The following HMCN1 variants were observed in gnomAD, a reference collection of about 807,000 sequenced individuals.
HMCN1 encodes the protein hemicentin-1.
HMCN1 carries 321 observed loss-of-function variants against 625.9 expected under a neutral mutation model. That is an observed-to-expected ratio of 0.51 (90% CI 0.47 to 0.56). The LOEUF is 0.56. Ranked by LOEUF, HMCN1 falls within the 20% of genes least tolerant of loss-of-function variation. The pLI, the probability that HMCN1 is intolerant of heterozygous loss-of-function variation, is 0.00. For synonymous variants in HMCN1, 2,425 were observed against 2,417.6 expected, an observed-to-expected ratio of 1.00 and a Z score of -0.09; for missense variants, 6,588 against 6,887.3, an observed-to-expected ratio of 0.96 and a Z score of 1.54.
chr1:185,914,498 A>G (rs911845013), intron 6 of HMCN1, among the ~76,000 whole-genome samples: 4 of 152,052 alleles, frequency 2.6e-5, no homozygotes, highest in East Asian at 1.9e-4. Context: ...GGACCACCCA[A>G]TTGAGCCTCA....
At chr1:185,834,403 C>T (rs547110303) in intron 1 of HMCN1, among the ~76,000 whole-genome samples, 26 of 152,242 alleles carry the variant, frequency 1.7e-4, no homozygotes, top group Admixed American at 1.6e-3. Flanking sequence ...AAGCTACTCA[C>T]ATGGTTGTTG....
At chr1:185,903,444 G>A (rs908330038) in intron 4 of HMCN1, among the ~76,000 whole-genome samples, 2 of 151,474 alleles carry the variant, frequency 1.3e-5, no homozygotes, top group Admixed American at 6.6e-5. Flanking sequence ...TTTAGTTCCA[G>A]CAGAAAGTCT....
intron 11 of HMCN1, among the ~76,000 whole-genome samples, chr1:185,960,524 C>T (rs1649939140): frequency 6.6e-6 from 1 of 152,136 alleles, no homozygotes; most frequent in South Asian, 2.1e-4. Context: ...ATTTCATGAC[C>T]CTGAGTAGCA....
At chr1:186,170,599 G>A (rs573668800) in intron 100 of HMCN1, among the ~76,000 whole-genome samples, 2 of 152,004 alleles carry the variant, frequency 1.3e-5, no homozygotes, top group Non-Finnish European at 2.9e-5. Flanking sequence ...ATAGGAGGAG[G>A]GAATGATTGA....
chr1:186,138,137 T>TA (rs1649735898), intron 89 of HMCN1, among the ~76,000 whole-genome samples, 165 bp downstream of exon 89: 1 of 152,190 alleles, frequency 6.6e-6, no homozygotes, highest in African/African-American at 2.4e-5. Flanking sequence ...ATGGATAAAC[T>TA]TGTAAAGGTA....
intron 53 of HMCN1, among the ~76,000 whole-genome samples, chr1:186,075,164 C>T (rs1278877314): frequency 6.6e-6 from 1 of 152,038 alleles, no homozygotes; most frequent in Non-Finnish European, 1.5e-5. Context: ...CATTAGCATT[C>T]CCTTAACTTT....
intron 1 of HMCN1, among the ~76,000 whole-genome samples, chr1:185,735,501 G>T (rs1653497810): frequency 6.6e-6 from 1 of 152,212 alleles, no homozygotes; most frequent in South Asian, 2.1e-4. Flanking sequence ...TGTTGTGTGA[G>T]ACACAAGGAA....
At position 186,096,945 on chromosome 1, in the gene HMCN1, G is replaced by A. The variant is rs369380466; in HGVS notation, c.10573+1424G>A. Reference sequence around the variant, plus strand: ...TCCACAGCTAACATCACACTAAACAGGAAAAAGTTGAAAGCCTTTCCTACA... The same window carrying A: ...TCCACAGCTAACATCACACTAAACAAGAAAAAGTTGAAAGCCTTTCCTACA... On this transcript the variant is annotated intron_variant, in intron 68 of 106. Coordinates refer to ENST00000271588, the MANE Select transcript of HMCN1 (RefSeq NM_031935.3). Among the ~76,000 whole-genome samples the A allele has an allele frequency of 2.6e-5, 4 of 152,044 alleles. 1 individual carries two copies. Among genetic ancestry groups the A allele is most frequent in the East Asian group, 1.9e-4 (1 of 5,160 alleles).
In HMCN1 at chr1:186,087,265, A is replaced by T; in HGVS notation, c.9095A>T (p.Glu3032Val). Residue 3032 changes from glutamate to valine, a missense_variant, in exon 59 of 107, where the codon GAA becomes GTA. Physicochemically the swap from Glu to Val is moderately radical, Grantham distance 121. Coordinates refer to ENST00000271588, the MANE Select transcript of HMCN1 (RefSeq NM_031935.3). ...IIRAKVSDGG[E>V]YTCIAINQAG... ...CGGGCCAAGGTATCAGATGGTGGTG[A>T]ATACACTTGTATAGCTATCAATCAA... 1 of 1,613,310 alleles carries T rather than the reference A, an allele frequency of 6.2e-7. No individual in the cohort carries two copies. The highest frequency in any genetic ancestry group is 8.5e-7 in the Non-Finnish European group (1 of 1,179,464).
intron 70 of HMCN1, 37 bp from the exon 71 acceptor site, chr1:186,108,424 T>C (rs766824417): frequency 6.2e-7 from 1 of 1,613,936 alleles, no homozygotes; most frequent in African/African-American, 1.3e-5. Context: ...CCTATGATAA[T>C]ACAGATTGCT....
At chr1:186,027,225 T>A (rs895037109) in intron 36 of HMCN1, among the ~76,000 whole-genome samples, 1 of 152,096 alleles carries the variant, frequency 6.6e-6, no homozygotes, top group Non-Finnish European at 1.5e-5. Context: ...GGGAGTTCTG[T>A]CATTTATAAA....
Position 186,067,959 on chromosome 1 carries a change from A to C in HMCN1, c.7831A>C (p.Lys2611Gln). The C allele has an allele frequency of 6.2e-7, 1 of 1,613,742 alleles. No individual in the cohort carries two copies. Among genetic ancestry groups the C allele is most frequent in the East Asian group, 2.2e-5 (1 of 44,834 alleles). ...SYPPATITWF[K>Q]DGTPLESNRN... ...TCCTCCAGCTACCATCACCTGGTTT[A>C]AGGATGGCACTCCTTTAGAATCTAA... Residue 2611 changes from lysine (K) to glutamine (Q), a missense_variant, in exon 50 of 107, where the codon AAG (lysine) becomes CAG (glutamine). By Grantham distance (53) the Lys-to-Gln change is moderately conservative. Transcript: ENST00000271588.
At chr1:186,030,196 A>G (rs1655330101) in intron 36 of HMCN1, among the ~76,000 whole-genome samples, 1 of 152,070 alleles carries the variant, frequency 6.6e-6, no homozygotes, top group African/African-American at 2.4e-5. Context: ...GGAGTAGTCT[A>G]TGTGTGCCAC....
rs553893778 is a variant in HMCN1, at chr1:185,886,006, T to A, written c.621+20143T>A. ...CCAATTGGAAATCTACCTTTTTAAA[T>A]TAAAAAAAGTATCTAAATGCTTATT... On this transcript the variant is annotated intron_variant, in intron 4 of 106. Transcript: ENST00000271588. 2.6e-5 allele frequency among the ~76,000 whole-genome samples: 4 copies of A among 152,178 alleles called. No individual in the cohort carries two copies. In the East Asian group the frequency reaches 7.7e-4, roughly 29 times the overall value.
At chr1:185,969,103 A>G (rs997697388) in intron 14 of HMCN1, among the ~76,000 whole-genome samples, 1 of 152,220 alleles carries the variant, frequency 6.6e-6, no homozygotes, top group Non-Finnish European at 1.5e-5. Context: ...ATCTAAATGC[A>G]TTTTAGTCCA....
At chr1:185,934,443 T>G (rs988086759) in intron 11 of HMCN1, among the ~76,000 whole-genome samples, 3 of 152,176 alleles carry the variant, frequency 2.0e-5, no homozygotes, top group African/African-American at 7.2e-5. Context: ...AATGTTCCAA[T>G]AGTTGAAAAC....
chr1:185,763,720 G>T (rs1480662540), intron 1 of HMCN1, among the ~76,000 whole-genome samples: 1 of 152,122 alleles, frequency 6.6e-6, no homozygotes, highest in Non-Finnish European at 1.5e-5. Flanking sequence ...TTGGCATGGG[G>T]CAGGTACTTT....
At chr1:186,001,482 GT>G (rs1653196425) in intron 27 of HMCN1, 54 bp downstream of exon 27, 1 of 1,597,636 alleles carries the variant, frequency 6.3e-7, no homozygotes, top group African/African-American at 1.3e-5. Flanking sequence ...TCTGAAGTAG[GT>G]TGTTCAGATG....
chr1:186,098,816 A>T (rs1173600250), intron 68 of HMCN1, among the ~76,000 whole-genome samples: 12 of 152,160 alleles, frequency 7.9e-5, no homozygotes, highest in Admixed American at 7.9e-4. Flanking sequence ...AATGTAGTAG[A>T]TATACACAAT....
Sources: gnomAD v4.1 joint callset for allele counts (sites outside exome capture counted in the v4.1 genomes callset) on GRCh38, gnomAD v4.1.1 for gene constraint, MANE v1.5 for transcripts, NCBI Gene and HGNC (gene_info 2026-07-23, HGNC 2026-07-21) for gene names.